CUL1: variants seen among roughly 807,000 people sequenced by gnomAD.
CUL1 encodes the protein cullin-1.
A neutral mutation model predicts 118.0 loss-of-function variants in CUL1; 24 were observed. The observed-to-expected ratio is 0.20, with a 90% CI of 0.15 to 0.29. CUL1 has a LOEUF of 0.29. Among genes scored for constraint, CUL1 ranks in the 10% least tolerant of loss-of-function variants. The probability of loss-of-function intolerance (pLI) is 1.00; values close to 1 mark genes in which losing one functional copy is unlikely to be tolerated. For synonymous variants in CUL1, 332 were observed against 340.4 expected (o/e 0.98, Z 0.27); for missense variants, 361 against 933.8 (o/e 0.39, Z 7.99).
At chr7:148,784,415 G>C (rs572809061) in intron 11 of CUL1, among the ~76,000 whole-genome samples, 33 of 152,264 alleles carry the variant, frequency 2.2e-4, no homozygotes, top group Non-Finnish European at 3.7e-4. Context: ...ATTCTGTGTA[G>C]TTTTAAATTT....
At chr7:148,699,852 G>A (rs901270718) in intron 1 of CUL1, among the ~76,000 whole-genome samples, 41 of 152,052 alleles carry the variant, frequency 2.7e-4, no homozygotes, top group African/African-American at 8.2e-4. Flanking sequence ...TGACCCTGAG[G>A]GTAGCCGTGC....
intron 2 of CUL1, among the ~76,000 whole-genome samples, chr7:148,731,071 T>C (rs1312562541): frequency 6.6e-6 from 1 of 152,242 alleles, no homozygotes; most frequent in Non-Finnish European, 1.5e-5. Context: ...AAGAATTTTA[T>C]TCCTTTAGTT....
At chr7:148,718,258 T>A (rs922712571) in intron 1 of CUL1, among the ~76,000 whole-genome samples, 1 of 152,226 alleles carries the variant, frequency 6.6e-6, no homozygotes, top group African/African-American at 2.4e-5. Context: ...AGTCACTCAT[T>A]TAAAATGTAT....
chr7:148,783,173 C>T (rs983967746), intron 9 of CUL1, among the ~76,000 whole-genome samples: 23 of 152,352 alleles, frequency 1.5e-4, no homozygotes, highest in African/African-American at 5.3e-4. Context: ...CCTCTGCGGC[C>T]AGCCTTCCCG....
intron 1 of CUL1, among the ~76,000 whole-genome samples, chr7:148,706,219 A>C: frequency 6.6e-6 from 1 of 152,224 alleles, no homozygotes; most frequent in Admixed American, 6.5e-5. Context: ...AACAGTCTGA[A>C]ATTCAAAAGA....
intron 2 of CUL1, among the ~76,000 whole-genome samples, chr7:148,747,499 A>G (rs1388455759): frequency 6.6e-6 from 1 of 152,200 alleles, no homozygotes; most frequent in East Asian, 1.9e-4. Flanking sequence ...AAAAGGAAAC[A>G]AAGCCTTACA....
chr7:148,702,852 T>A (rs1423688397), intron 1 of CUL1, among the ~76,000 whole-genome samples: 2 of 152,190 alleles, frequency 1.3e-5, no homozygotes, highest in East Asian at 3.8e-4. Flanking sequence ...TGACCTCCTT[T>A]GGGACAGGGA....
intron 4 of CUL1, among the ~76,000 whole-genome samples, chr7:148,757,758 C>T (rs543583513): frequency 3.9e-5 from 6 of 152,258 alleles, no homozygotes; most frequent in East Asian, 3.9e-4. Flanking sequence ...AACAGTTCCA[C>T]GTGGCTGGGA....
At chr7:148,722,224 C>T (rs1193475100) in intron 1 of CUL1, among the ~76,000 whole-genome samples, 1 of 152,164 alleles carries the variant, frequency 6.6e-6, no homozygotes, top group African/African-American at 2.4e-5. Flanking sequence ...CTCAGTGGCT[C>T]TCCCTGTGGT....
chr7:148,717,515 G>C lies in CUL1; in HGVS notation c.-161-12447G>C, dbSNP rs570393839. 2.0e-5 allele frequency among the ~76,000 whole-genome samples: 3 copies of C among 151,986 alleles called. No individual in the cohort carries two copies. The South Asian group carries it at 6.3e-4, about 32-fold the overall frequency. On this transcript the variant is annotated intron_variant, in intron 1 of 21. Transcript: ENST00000325222. ...CCACGATAACTGCTTTGTGTCGCCTGTGTCTTGGGCCTCTCTCTTTCCATT... is the reference window on the plus strand; with the variant it reads ...CCACGATAACTGCTTTGTGTCGCCTCTGTCTTGGGCCTCTCTCTTTCCATT...
chr7:148,736,664 G>A (rs1340408005), intron 2 of CUL1, among the ~76,000 whole-genome samples: 5 of 152,106 alleles, frequency 3.3e-5, no homozygotes, highest in Admixed American at 1.3e-4. Flanking sequence ...TTTATCCTAA[G>A]GAAATAGTTG....
At chr7:148,793,345 T>G (rs1801081500) in intron 17 of CUL1, among the ~76,000 whole-genome samples, 1 of 152,236 alleles carries the variant, frequency 6.6e-6, no homozygotes, top group Non-Finnish European at 1.5e-5. Flanking sequence ...AAAGTCATTT[T>G]AAAGTGTACA....
chr7:148,792,391 A>G (rs1801044686), intron 16 of CUL1, among the ~76,000 whole-genome samples: 1 of 152,246 alleles, frequency 6.6e-6, no homozygotes, highest in Non-Finnish European at 1.5e-5. Context: ...TAACATGTCC[A>G]TATATACCAG....
intron 2 of CUL1, among the ~76,000 whole-genome samples, chr7:148,745,422 CCTT>C (rs1202832677): frequency 6.6e-6 from 1 of 152,138 alleles, no homozygotes; most frequent in Non-Finnish European, 1.5e-5. Flanking sequence ...TGTGCCATTC[CCTT>C]CTTCCAACAC....
intron 11 of CUL1, 78 bp from the exon 12 acceptor site, chr7:148,786,473 G>C: frequency 9.1e-7 from 1 of 1,100,856 alleles, no homozygotes; most frequent in South Asian, 1.3e-5. Flanking sequence ...TTGAATGCTT[G>C]AAGCTGCATT....
intron 17 of CUL1, among the ~76,000 whole-genome samples, chr7:148,796,157 G>A (rs902457697): frequency 2.0e-5 from 3 of 152,140 alleles, no homozygotes; most frequent in African/African-American, 7.2e-5. Context: ...AGACTAAAGA[G>A]GTTCCCTTTT....
chr7:148,793,194 C>T (rs1801076456), intron 17 of CUL1, among the ~76,000 whole-genome samples: 1 of 152,174 alleles, frequency 6.6e-6, no homozygotes, highest in South Asian at 2.1e-4. Context: ...CACACATACT[C>T]CTCATCCATG....
At chr7:148,719,513 T>C (rs1411366022) in intron 1 of CUL1, among the ~76,000 whole-genome samples, 1 of 152,212 alleles carries the variant, frequency 6.6e-6, no homozygotes, top group East Asian at 1.9e-4. Flanking sequence ...TATGAAGTCT[T>C]ATCTAATTAG....
At chr7:148,748,772 A>G (rs1799385402) in intron 2 of CUL1, among the ~76,000 whole-genome samples, 1 of 152,214 alleles carries the variant, frequency 6.6e-6, no homozygotes, top group South Asian at 2.1e-4. Flanking sequence ...GTCTCATCAC[A>G]TTTTAAATAA....
Sources: gnomAD v4.1 joint callset for allele counts (sites outside exome capture counted in the v4.1 genomes callset) on GRCh38, gnomAD v4.1.1 for gene constraint, MANE v1.5 for transcripts, NCBI Gene and HGNC (gene_info 2026-07-23, HGNC 2026-07-21) for gene names.